RMND5A: variants seen among roughly 807,000 people sequenced by gnomAD.
RMND5A encodes required for meiotic nuclear division 5 homolog A.
In RMND5A, 17 loss-of-function variants were observed where a neutral mutation model predicts 49.7. The ratio of observed to expected loss-of-function variants is 0.34; its 90% CI spans 0.23 to 0.51. The LOEUF (loss-of-function observed/expected upper bound fraction) is 0.51, where lower values mean the gene tolerates loss of function less well. Ranked by LOEUF, RMND5A falls within the 20% of genes least tolerant of loss-of-function variation. RMND5A has a pLI of 0.96. For missense variants in RMND5A, 255 were observed against 471.3 expected (o/e 0.54, Z 4.25); for synonymous variants, 156 against 167.7 (o/e 0.93, Z 0.54).
intron 8 of RMND5A, 77 bp downstream of exon 8, chr2:86,771,789 G>A: frequency 3.3e-6 from 4 of 1,214,210 alleles, no homozygotes; most frequent in Non-Finnish European, 3.5e-6. Context: ...GAAGTGATGA[G>A]GATTAAAAAA....
At chr2:86,770,001 G>C (rs774974591) in intron 6 of RMND5A, 22 bp from the exon 7 acceptor site, 4 of 1,597,860 alleles carry the variant, frequency 2.5e-6, no homozygotes, top group Non-Finnish European at 2.6e-6. Flanking sequence ...TGGCACTGAC[G>C]TTTCCTCTTC....
At chr2:86,746,477 A>G (rs1681539968) in intron 2 of RMND5A, among the ~76,000 whole-genome samples, 1 of 152,222 alleles carries the variant, frequency 6.6e-6, no homozygotes, top group Non-Finnish European at 1.5e-5. Flanking sequence ...ATTTACCTTT[A>G]TCTTCACCAA....
intron 2 of RMND5A, among the ~76,000 whole-genome samples, chr2:86,748,671 T>G (rs1681580635): frequency 6.6e-6 from 1 of 152,208 alleles, no homozygotes; most frequent in African/African-American, 2.4e-5. Flanking sequence ...ATATGTATAT[T>G]AAGGAAAGAA....
intron 4 of RMND5A, among the ~76,000 whole-genome samples, chr2:86,759,554 C>T (rs947941737): frequency 6.6e-6 from 1 of 151,844 alleles, no homozygotes; most frequent in African/African-American, 2.4e-5. Flanking sequence ...AATTTGGGAT[C>T]AGAATTTTTT....
Position 86,771,630 on chromosome 2 carries a change from A to G in RMND5A, c.1030A>G (p.Thr344Ala), listed in dbSNP as rs1214786027. 1.9e-6 allele frequency: 3 copies of G among 1,613,712 alleles called. No homozygotes were observed. Among genetic ancestry groups the G allele is most frequent in the Non-Finnish European group, 2.5e-6 (3 of 1,179,898 alleles). ...CTGCCCCATTCTTCGTCAGCAAACAACAGATAACAATCCACCCATGAAATT... is the reference window on the plus strand; with the variant it reads ...CTGCCCCATTCTTCGTCAGCAAACAGCAGATAACAATCCACCCATGAAATT... ...FACPILRQQT[T>A]DNNPPMKLVC... is the part of the protein sequence containing the mutation. The change falls in exon 8 of 9, where the codon ACA becomes GCA. Residue 344 changes from threonine to alanine, a missense_variant. Transcript: ENST00000283632.
In RMND5A at chr2:86,777,772, A is replaced by T. The variant is rs915798335; in HGVS notation, c.*4361A>T. 6.6e-6 allele frequency: 1 copy of T among 152,236 alleles called. No individual in the cohort carries two copies. Among genetic ancestry groups the T allele is most frequent in the African/African-American group, 2.4e-5 (1 of 41,448 alleles). The allele number at this position is 152,236 out of a possible 1,614,324, so 9.4% of individuals were successfully genotyped here. On this transcript the variant is annotated 3_prime_UTR_variant, in exon 9 of 9. Coordinates refer to ENST00000283632, the MANE Select transcript of RMND5A (RefSeq NM_022780.4). The stretch of plus-strand genomic sequence containing the variant: ...AGTTGCATCTTATAGACTATAGGCA[A>T]TAAAGCTAACAATAAACCTTATTTA...
chr2:86,759,668 T>C (rs1331102902), intron 4 of RMND5A, among the ~76,000 whole-genome samples: 8 of 134,536 alleles, frequency 5.9e-5, no homozygotes, highest in Non-Finnish European at 9.6e-5. Flanking sequence ...GGCGCGGTGG[T>C]GAGCACCTGT....
chr2:86,720,964 C>G (rs1573424333), intron 1 of RMND5A, 155 bp downstream of exon 1: 1 of 596,166 alleles, frequency 1.7e-6, no homozygotes, highest in South Asian at 2.5e-5. Context: ...GACTTTTTCC[C>G]CTCTTCGTCC....
intron 2 of RMND5A, among the ~76,000 whole-genome samples, chr2:86,747,108 G>T (rs1372959785): frequency 1.3e-5 from 2 of 152,134 alleles, no homozygotes; most frequent in South Asian, 2.1e-4. Context: ...CCCCTGAAGG[G>T]TTTATACCAA....
At position 86,761,303 on chromosome 2, in the gene RMND5A, T is replaced by C. The variant is rs541157218; in HGVS notation, c.522-3724T>C. ...GCATAGAATAGTGAAGAATAGTGAA[T>C]AGAGTTAAAAATAGATTGACTTTCT... On this transcript the variant is annotated intron_variant, in intron 4 of 8. Transcript: ENST00000283632. Among the ~76,000 whole-genome samples the C allele has an allele frequency of 4.3e-4, 66 of 152,254 alleles. 1 individual carries two copies. Among genetic ancestry groups the C allele is most frequent in the African/African-American group, 1.4e-3 (59 of 41,556 alleles).
At chr2:86,748,240 A>C (rs2104394443) in intron 2 of RMND5A, 1 of 152,338 alleles carries the variant, frequency 6.6e-6, no homozygotes, top group African/African-American at 2.4e-5. Flanking sequence ...TTATAACAAA[A>C]GGAGTTTGAC....
chr2:86,756,989 C>T (rs1007104897), intron 4 of RMND5A, among the ~76,000 whole-genome samples: 2 of 152,124 alleles, frequency 1.3e-5, no homozygotes, highest in South Asian at 2.1e-4. Context: ...GCCTGACCAA[C>T]GTGGAGAAAC....
intron 4 of RMND5A, among the ~76,000 whole-genome samples, chr2:86,757,780 CCTT>C (rs755656347): frequency 1.5e-4 from 23 of 152,090 alleles, no homozygotes; most frequent in Non-Finnish European, 3.4e-4. Context: ...TTTTTGGTGT[CCTT>C]ATTTTGTTTT....
chr2:86,760,906 T>A (rs1470174292), intron 4 of RMND5A, among the ~76,000 whole-genome samples: 1 of 151,844 alleles, frequency 6.6e-6, no homozygotes, highest in South Asian at 2.1e-4. Flanking sequence ...TGCACTAGAA[T>A]AGAAAGATGC....
At chr2:86,762,457 C>T (rs1355825403) in intron 4 of RMND5A, among the ~76,000 whole-genome samples, 1 of 151,526 alleles carries the variant, frequency 6.6e-6, no homozygotes, top group Admixed American at 6.6e-5. Flanking sequence ...CCAGCCTGGC[C>T]AACATGGTGA....
chr2:86,761,457 AGAGAGAGG>A, intron 4 of RMND5A, among the ~76,000 whole-genome samples: 1 of 152,170 alleles, frequency 6.6e-6, no homozygotes, highest in Non-Finnish European at 1.5e-5. Flanking sequence ...TGGAGGTATA[AGAGAGAGG>A]TCCTATCATG....
In RMND5A at chr2:86,753,469, T is replaced by G. The variant is rs1419697493; in HGVS notation, c.432T>G (p.Leu144=). The G allele has an allele frequency of 6.2e-7, 1 of 1,603,424 alleles. No homozygotes were observed. Among genetic ancestry groups the G allele is most frequent in the South Asian group, 1.1e-5 (1 of 90,004 alleles). Residue 144 remains leucine (L), a synonymous_variant, in exon 4 of 9, where the codon CTT becomes CTG. Coordinates refer to ENST00000283632, the MANE Select transcript of RMND5A (RefSeq NM_022780.4). ...VAEELCQESG[L]SVDPSQKEPF... is the part of the protein sequence containing the mutation. ...CTTTCTTTTTCCAGGAATCTGGTCT[T>G]TCTGTAGACCCAAGTCAGAAGGAAC...
intron 7 of RMND5A, 44 bp downstream of exon 7, chr2:86,770,169 G>A (rs1304314637): frequency 4.8e-6 from 6 of 1,237,472 alleles, no homozygotes; most frequent in Non-Finnish European, 7.2e-6. Flanking sequence ...ACTGCCATTA[G>A]AAGAATATGG....
At position 86,726,066 on chromosome 2, in the gene RMND5A, A is replaced by G. The variant is rs527406240; in HGVS notation, c.142+5257A>G. On this transcript the variant is annotated intron_variant, in intron 1 of 8. Transcript: ENST00000283632. ...GTAGGCAAGTAAAACATGAAAAACAAAAAAAGAAACTTGTGGAGGTCACAT... is the reference window on the plus strand; with the variant it reads ...GTAGGCAAGTAAAACATGAAAAACAGAAAAAGAAACTTGTGGAGGTCACAT... Among the ~76,000 whole-genome samples the G allele has an allele frequency of 5.6e-3, 442 of 78,280 alleles. 150 individuals carry two copies. The highest frequency in any genetic ancestry group is 0.02 in the Middle Eastern group (4 of 198). 51.4% of individuals were successfully genotyped at this position (78,280 alleles called of 152,430 possible).
Sources: gnomAD v4.1 joint callset for allele counts (sites outside exome capture counted in the v4.1 genomes callset) on GRCh38, gnomAD v4.1.1 for gene constraint, MANE v1.5 for transcripts, NCBI Gene and HGNC (gene_info 2026-07-23, HGNC 2026-07-21) for gene names.